LASP1: variants seen among roughly 807,000 people sequenced by gnomAD.
The protein encoded by LASP1 is LIM and SH3 domain protein 1.
Under a neutral mutation model 38.6 loss-of-function variants are expected in LASP1, and 10 were observed. The ratio of observed to expected loss-of-function variants is 0.26; its 90% CI spans 0.16 to 0.44. The LOEUF (loss-of-function observed/expected upper bound fraction) is 0.44, where lower values mean the gene tolerates loss of function less well. LASP1 is among the 20% of genes least tolerant of loss of function. LASP1 has a pLI of 1.00. For synonymous variants in LASP1, 132 were observed against 140.8 expected (o/e 0.94, Z 0.44); for missense variants, 243 against 375.7 (o/e 0.65, Z 2.92).
chr17:38,910,659 T>A (rs950568897), intron 4 of LASP1, among the ~76,000 whole-genome samples: 9 of 151,354 alleles, frequency 5.9e-5, no homozygotes, highest in Non-Finnish European at 1.3e-4. Flanking sequence ...ATTTTGTAGA[T>A]TTTCTGGAAG....
In LASP1 at chr17:38,915,146, G is replaced by A; in HGVS notation, c.612G>A (p.Gly204=). The change falls in exon 6 of 7, where the codon GGG becomes GGA. Residue 204 remains glycine (G), a splice_region_variant and synonymous_variant. Coordinates refer to ENST00000318008, the MANE Select transcript of LASP1 (RefSeq NM_006148.4). ...SIQRSAPGGG[G]KRYRAVYDYS... is the part of the protein sequence containing the mutation. ...AGCGCAGCGCCCCAGGTGGTGGCGG[G>A]GTGAGTAACCCTGGCCGGAGGGGAG... The A allele has an allele frequency of 6.2e-7, 1 of 1,613,634 alleles. No homozygotes were observed. The highest frequency in any genetic ancestry group is 8.5e-7 in the Non-Finnish European group (1 of 1,179,782).
intron 1 of LASP1, among the ~76,000 whole-genome samples, chr17:38,871,744 T>G (rs753364207): frequency 6.6e-6 from 1 of 152,072 alleles, no homozygotes; most frequent in Non-Finnish European, 1.5e-5. Flanking sequence ...ATGGGGCCGC[T>G]GCTGTGTCAC....
At chr17:38,900,401 G>T (rs1598115320) in intron 4 of LASP1, among the ~76,000 whole-genome samples, 1 of 104,220 alleles carries the variant, frequency 9.6e-6, no homozygotes, top group Non-Finnish European at 2.3e-5. Context: ...AGGACCAGGC[G>T]CGGTGGCTCA....
intron 4 of LASP1, among the ~76,000 whole-genome samples, chr17:38,902,223 G>A (rs1914660322): frequency 6.6e-6 from 1 of 151,834 alleles, no homozygotes; most frequent in Non-Finnish European, 1.5e-5. Context: ...ACCATGCCCA[G>A]CTAATTTTTC....
At chr17:38,887,405 C>T (rs925470452) in intron 2 of LASP1, among the ~76,000 whole-genome samples, 1 of 152,190 alleles carries the variant, frequency 6.6e-6, no homozygotes, top group African/African-American at 2.4e-5. Context: ...TAGGAACAGA[C>T]TCGTGGTTGA....
rs11270367 is a variant in LASP1 at position 38,919,033 on chromosome 17, A to AGGGTGAGGCCCGTGG, written c.*257_*258insGTGAGGCCCGTGGGG. The AGGGTGAGGCCCGTGG allele has an allele frequency of 1.7e-5, 9 of 532,704 alleles. No individual in the cohort carries two copies. The highest frequency in any genetic ancestry group is 2.8e-4 in the Middle Eastern group (1 of 3,586). The allele number at this position is 532,704 out of a possible 1,614,324, so 33.0% of individuals were successfully genotyped here. A position where few individuals can be genotyped will look rare whatever the true frequency, so the allele number is the denominator to read the frequency against. On this transcript the variant is annotated 3_prime_UTR_variant, in exon 7 of 7. Coordinates refer to ENST00000318008, the MANE Select transcript of LASP1 (RefSeq NM_006148.4). The stretch of plus-strand genomic sequence containing the variant: ...GAACGGGCATGGGCCTCTCTGGGGG[A>AGGGTGAGGCCCGTGG]GGCAGGGCTGGAATGGGAGACCTGT...
At chr17:38,913,151 C>G (rs773471471) in intron 4 of LASP1, among the ~76,000 whole-genome samples, 2 of 152,190 alleles carry the variant, frequency 1.3e-5, no homozygotes, top group Non-Finnish European at 2.9e-5. Flanking sequence ...ACTCAAGACT[C>G]CTGGGTGGTG....
intron 1 of LASP1, among the ~76,000 whole-genome samples, chr17:38,875,204 T>C (rs535927832): frequency 2.0e-5 from 3 of 152,004 alleles, no homozygotes; most frequent in Non-Finnish European, 4.4e-5. Flanking sequence ...TGCAGCTAAG[T>C]AGGCAGAGGC....
chr17:38,918,731 AC>A lies in LASP1; in HGVS notation c.741del (p.Gly248AlafsTer46). ...DGWMYGTVER[T>X]GDTGMLPANY... ...CTGGATGTACGGGACGGTGGAGCGC[AC>A]CGGCGACACGGGGATGCTGCCGGCC... On this transcript the variant is annotated frameshift_variant, in exon 7 of 7. Transcript: ENST00000318008. LOFTEE classifies it high-confidence loss of function. The surrounding 1 kb of genome is among the most constrained non-coding windows in gnomAD (Gnocchi z 4.4). The A allele has an allele frequency of 6.2e-7, 1 of 1,614,112 alleles. No individual in the cohort carries two copies. The highest frequency in any genetic ancestry group is 8.5e-7 in the Non-Finnish European group (1 of 1,180,004).
rs370969893 is a variant in LASP1, at chr17:38,913,099, C to G, written c.358-1226C>G. Among the ~76,000 whole-genome samples, 13 of 152,282 alleles carry G rather than the reference C, an allele frequency of 8.5e-5. No individual in the cohort carries two copies. The East Asian group carries it at 2.5e-3, about 29-fold the overall frequency. ...ACCTTGATGGCTAATGCAGCCAGCC[C>G]CAGGCAGGCACAGTCACAGCCCTCA... On this transcript the variant is annotated intron_variant, in intron 4 of 6. Transcript: ENST00000318008.
chr17:38,908,479 A>G (rs1914833127), intron 4 of LASP1, among the ~76,000 whole-genome samples: 1 of 152,102 alleles, frequency 6.6e-6, no homozygotes, highest in African/African-American at 2.4e-5. Flanking sequence ...TGAGAACATC[A>G]CCTGGAGTGC....
intron 4 of LASP1, among the ~76,000 whole-genome samples, chr17:38,909,759 A>G (rs934978529): frequency 6.7e-6 from 1 of 148,804 alleles, no homozygotes; most frequent in Non-Finnish European, 1.5e-5. Flanking sequence ...TCATTCATTC[A>G]TTTGTTTTGA....
At chr17:38,914,115 G>A (rs780591404) in intron 4 of LASP1, among the ~76,000 whole-genome samples, 3 of 152,086 alleles carry the variant, frequency 2.0e-5, no homozygotes, top group African/African-American at 4.8e-5. Context: ...GAGGGAGACT[G>A]GTGTCTCATT....
At chr17:38,889,259 TA>T (rs1451755234) in intron 2 of LASP1, among the ~76,000 whole-genome samples, 1 of 152,198 alleles carries the variant, frequency 6.6e-6, no homozygotes, top group African/African-American at 2.4e-5. Context: ...GCCTCCTGAG[TA>T]GCTGGGACTA....
intron 2 of LASP1, among the ~76,000 whole-genome samples, chr17:38,885,376 T>G (rs985456286): frequency 6.6e-6 from 1 of 152,216 alleles, no homozygotes; most frequent in Admixed American, 6.5e-5. Flanking sequence ...CTCTGTAAAT[T>G]GTCCTGAAGC....
chr17:38,921,308 A>G lies in LASP1; in HGVS notation c.*2530A>G, dbSNP rs1915292283. 1 of 231,140 alleles carries G rather than the reference A, an allele frequency of 4.3e-6. No homozygotes were observed. Among genetic ancestry groups the G allele is most frequent in the East Asian group, 6.2e-5 (1 of 16,208 alleles). 14.3% of individuals were successfully genotyped at this position (231,140 alleles called of 1,614,324 possible). The stretch of plus-strand genomic sequence containing the variant: ...GTGAATATAACTTTTGTGGACCAAT[A>G]CTAAGAATAACAAGAAGCCCAGTGG... On this transcript the variant is annotated 3_prime_UTR_variant, in exon 7 of 7. Transcript: ENST00000318008.
intron 4 of LASP1, among the ~76,000 whole-genome samples, chr17:38,913,537 A>T (rs1207175037): frequency 6.6e-6 from 1 of 152,142 alleles, no homozygotes; most frequent in East Asian, 1.9e-4. Flanking sequence ...TGCCTGTTAC[A>T]TGGGGTCTGC....
At position 38,898,525 on chromosome 17, in the gene LASP1, C is replaced by T. The variant is rs746433445; in HGVS notation, c.357+6C>T. ...CCCAGGACCAGATCAGTAACGTGAG[C>T]TCTTGCCCTGCCCTGCGGCATCCCT... On this transcript the variant is annotated splice_donor_region_variant and intron_variant, in intron 4 of 6. Transcript: ENST00000318008. The T allele has an allele frequency of 4.5e-6, 7 of 1,539,252 alleles. No individual in the cohort carries two copies. In the South Asian group the frequency reaches 8.3e-5, roughly 18 times the overall value.
At chr17:38,893,619 C>G (rs1488396440) in intron 3 of LASP1, among the ~76,000 whole-genome samples, 1 of 152,144 alleles carries the variant, frequency 6.6e-6, no homozygotes, top group Non-Finnish European at 1.5e-5. Context: ...GTCTCCCTTC[C>G]CACCGCCCAC....
Sources: gnomAD v4.1 joint callset for allele counts (sites outside exome capture counted in the v4.1 genomes callset) on GRCh38, gnomAD v4.1.1 for gene constraint, Gnocchi (gnomAD v3.1) non-coding constraint, MANE v1.5 for transcripts, NCBI Gene and HGNC (gene_info 2026-07-23, HGNC 2026-07-21) for gene names.